Variants in ADGRL2 observed in about 807,000 individuals in gnomAD.
ADGRL2 encodes the protein adhesion G protein-coupled receptor L2.
ADGRL2 carries 44 observed loss-of-function variants against 157.4 expected under a neutral mutation model. The ratio of observed to expected loss-of-function variants is 0.28; its 90% CI spans 0.22 to 0.36. ADGRL2 has a LOEUF of 0.36. ADGRL2 is among the 10% of genes least tolerant of loss of function. ADGRL2 has a pLI of 1.00. For missense variants in ADGRL2, 1,510 were observed against 1,768.9 expected (o/e 0.85, Z 2.63); for synonymous variants, 585 against 624.7 (o/e 0.94, Z 0.95).
At chr1:81,801,306 C>T (rs1339479271) in intron 1 of ADGRL2, among the ~76,000 whole-genome samples, 1 of 152,066 alleles carries the variant, frequency 6.6e-6, no homozygotes, top group African/African-American at 2.4e-5. Context: ...TATGATTAGC[C>T]CAACTGGCGG....
intron 1 of ADGRL2, among the ~76,000 whole-genome samples, chr1:81,736,261 T>C (rs936683135): frequency 1.3e-5 from 2 of 151,944 alleles, no homozygotes; most frequent in African/African-American, 4.8e-5. Context: ...AATGAATTAA[T>C]GATTTTGTGC....
At position 81,481,804 on chromosome 1, in the gene ADGRL2, T is replaced by C. The variant is rs552184492; in HGVS notation, c.-248+36715T>C. ...TGCTTTGTAGCTACACCTATGTCAA[T>C]TCCTTGTCATCCTGCTCCTTAACTT... is the stretch of plus-strand genomic sequence containing the variant. On this transcript the variant is annotated intron_variant, in intron 2 of 24. Coordinates refer to the ADGRL2 transcript ENST00000370721. Among the ~76,000 whole-genome samples the C allele has an allele frequency of 9.9e-5, 15 of 152,274 alleles. No individual in the cohort carries two copies. In the South Asian group the frequency reaches 3.1e-3, roughly 32 times the overall value.
intron 3 of ADGRL2, among the ~76,000 whole-genome samples, chr1:81,635,104 G>A (rs750722482): frequency 3.3e-5 from 5 of 152,104 alleles, no homozygotes; most frequent in East Asian, 1.9e-4. Context: ...AGGATGATCC[G>A]GAGTTAAGTT....
rs865839827 is a variant in ADGRL2, at chr1:81,634,037, A to C, written c.-143+53057A>C. On this transcript the variant is annotated intron_variant, in intron 3 of 24. Transcript: ENST00000370721. ...GTATATAAAAATGAGAAAATGTTCCAGGCCCAAGCCCTGGAGCACTCCAAG... is the reference window on the plus strand; with the variant it reads ...GTATATAAAAATGAGAAAATGTTCCCGGCCCAAGCCCTGGAGCACTCCAAG... 3.9e-5 allele frequency among the ~76,000 whole-genome samples: 6 copies of C among 152,316 alleles called. No homozygotes were observed. In the South Asian group the frequency reaches 1.0e-3, roughly 26 times the overall value.
At chr1:81,709,782 T>C (rs553066775) in intron 1 of ADGRL2, among the ~76,000 whole-genome samples, 12 of 152,186 alleles carry the variant, frequency 7.9e-5, no homozygotes, top group Admixed American at 5.9e-4. Context: ...TATAAAACAA[T>C]ATTAAAAAAT....
intron 1 of ADGRL2, among the ~76,000 whole-genome samples, chr1:81,813,571 T>C (rs1557691974): frequency 6.6e-6 from 1 of 151,690 alleles, no homozygotes; most frequent in South Asian, 2.1e-4. Context: ...TACAGAGCAT[T>C]TTTATAATGG....
At chr1:81,957,863 T>C (rs1431885902) in intron 11 of ADGRL2, among the ~76,000 whole-genome samples, 1 of 151,110 alleles carries the variant, frequency 6.6e-6, no homozygotes, top group Non-Finnish European at 1.5e-5. Flanking sequence ...CCAAGAATTA[T>C]CAATATGAAA....
At chr1:81,605,033 C>G (rs2081405444) in intron 3 of ADGRL2, among the ~76,000 whole-genome samples, 1 of 152,138 alleles carries the variant, frequency 6.6e-6, no homozygotes, top group Non-Finnish European at 1.5e-5. Context: ...AATAATAGCT[C>G]AGGTCTTTTC....
At chr1:81,785,904 T>A (rs577471060) in intron 2 of ADGRL2, among the ~76,000 whole-genome samples, 1 of 151,852 alleles carries the variant, frequency 6.6e-6, no homozygotes, top group African/African-American at 2.4e-5. Flanking sequence ...CCCAGGAGTT[T>A]GCAACCAGCC....
At chr1:81,631,269 T>G (rs1449510398) in intron 3 of ADGRL2, among the ~76,000 whole-genome samples, 1 of 151,966 alleles carries the variant, frequency 6.6e-6, no homozygotes, top group Non-Finnish European at 1.5e-5. Flanking sequence ...CAGGCTGGAG[T>G]GCAGTGGCCC....
At chr1:81,340,250 T>C (rs1174325453) in intron 1 of ADGRL2, among the ~76,000 whole-genome samples, 1 of 152,244 alleles carries the variant, frequency 6.6e-6, no homozygotes, top group Non-Finnish European at 1.5e-5. Context: ...ATAGATTTAA[T>C]GTAAGGAGAT....
intron 1 of ADGRL2, among the ~76,000 whole-genome samples, chr1:81,828,359 A>G (rs970795263): frequency 6.6e-6 from 1 of 152,242 alleles, no homozygotes; most frequent in African/African-American, 2.4e-5. Context: ...TGATAATTTT[A>G]AGCTCAAGAG....
In ADGRL2 at chr1:81,993,356, A is replaced by G. The variant is rs889439965; in HGVS notation, c.*2211A>G. ...CTTTTTATTTTAAATGCCTAAAACC[A>G]TACAGTATTGTGTGATGTGTAATTC... On this transcript the variant is annotated 3_prime_UTR_variant, in exon 24 of 24. Transcript: ENST00000686636. Among the ~76,000 whole-genome samples, 3 of 151,830 alleles carry G rather than the reference A, an allele frequency of 2.0e-5. No homozygotes were observed. Among genetic ancestry groups the G allele is most frequent in the Non-Finnish European group, 4.4e-5 (3 of 67,970 alleles).
intron 3 of ADGRL2, among the ~76,000 whole-genome samples, chr1:81,678,965 G>T (rs2083051752): frequency 6.6e-6 from 1 of 152,186 alleles, no homozygotes. Context: ...TTCTGGTTCT[G>T]CACTGTCATA....
At chr1:81,389,368 C>T (rs1027512710) in intron 1 of ADGRL2, among the ~76,000 whole-genome samples, 1 of 151,736 alleles carries the variant, frequency 6.6e-6, no homozygotes, top group Admixed American at 6.6e-5. Flanking sequence ...ATAATAAGAA[C>T]TATGAAGAAA....
chr1:81,778,308 C>G (rs917810951), intron 2 of ADGRL2, among the ~76,000 whole-genome samples: 8 of 131,840 alleles, frequency 6.1e-5, no homozygotes, highest in African/African-American at 2.4e-4. Flanking sequence ...GGCGACAGAG[C>G]GAGACTCCGT....
At chr1:81,320,937 C>T (rs1660460038) in intron 1 of ADGRL2, among the ~76,000 whole-genome samples, 2 of 152,230 alleles carry the variant, frequency 1.3e-5, no homozygotes, top group Admixed American at 1.3e-4. Flanking sequence ...TCGACTTCTC[C>T]TCTCTAGCTA....
chr1:81,541,011 G>A (rs1397648787), intron 2 of ADGRL2, among the ~76,000 whole-genome samples: 1 of 152,070 alleles, frequency 6.6e-6, no homozygotes, highest in Non-Finnish European at 1.5e-5. Context: ...ACATTCTGAG[G>A]TCCTACCGTA....
intron 2 of ADGRL2, chr1:81,557,456 AAAGAAAGAAAG>A (rs1373910895): frequency 3.8e-5 from 2 of 52,386 alleles, no homozygotes; most frequent in Admixed American, 1.7e-4. Context: ...AGAGAGAAAG[AAAGAAAGAAAG>A]AAGAAAGAAA....
Sources: allele counts gnomAD v4.1 joint callset (sites outside exome capture counted in the v4.1 genomes callset), GRCh38; gene constraint gnomAD v4.1.1; transcripts MANE v1.5; gene names NCBI Gene and HGNC (gene_info 2026-07-23, HGNC 2026-07-21).